Variants in ERICH1 observed in about 807,000 individuals in gnomAD.
The protein encoded by ERICH1 is glutamate rich 1.
A neutral mutation model predicts 39.6 loss-of-function variants in ERICH1; 56 were observed. That is an observed-to-expected ratio of 1.41 (90% CI 1.14 to 1.77). The LOEUF (loss-of-function observed/expected upper bound fraction) is 1.77, where lower values mean the gene tolerates loss of function less well. Among genes scored for constraint, ERICH1 ranks in the 40% most tolerant of loss-of-function variants. ERICH1 has a pLI of 0.00. For missense variants in ERICH1, 826 were observed against 575.4 expected (o/e 1.44, Z -4.45); for synonymous variants, 313 against 223.6 (o/e 1.40, Z -3.57).
At chr8:635,764 CGTGTGT>C (rs144042044) in intron 3 of ERICH1, among the ~76,000 whole-genome samples, 1 of 151,970 alleles carries the variant, frequency 6.6e-6, no homozygotes, top group African/African-American at 2.4e-5. Context: ...GCTCCCCCAG[CGTGTGT>C]GTGTGTGTCC....
At position 708,681 on chromosome 8, in the gene ERICH1, G is replaced by GTTTTTTTTTTTTTTTTTTT. The variant is rs139731216; in HGVS notation, c.169+7161_169+7179dup. 2.7e-4 allele frequency among the ~76,000 whole-genome samples: 18 copies of GTTTTTTTTTTTTTTTTTTT among 65,774 alleles called. 2 individuals carry two copies. The highest frequency in any genetic ancestry group is 3.4e-4 in the African/African-American group (6 of 17,540). The allele number at this position is 65,774 out of a possible 152,430, so 43.2% of individuals were successfully genotyped here. A position where few individuals can be genotyped will look rare whatever the true frequency, so the allele number is the denominator to read the frequency against. On this transcript the variant is annotated intron_variant, in intron 2 of 5. Transcript: ENST00000262109. Reference sequence around the variant, plus strand: ...GGGCTGAGTGGTTACGGGATAATGAGTTTTTTTTTTTTTTTTTTTTTTTTT... The same window carrying GTTTTTTTTTTTTTTTTTTT: ...GGGCTGAGTGGTTACGGGATAATGAGTTTTTTTTTTTTTTTTTTTTTTTTTTTTTTTTTTTTTTTTTTTT...
intron 3 of ERICH1, among the ~76,000 whole-genome samples, chr8:636,358 G>A (rs889416243): frequency 5.3e-5 from 8 of 152,246 alleles, no homozygotes; most frequent in Non-Finnish European, 8.8e-5. Flanking sequence ...AATCATTGAT[G>A]GTTTCTGCTA....
chr8:729,534 G>A (rs1186779832), intron 1 of ERICH1, among the ~76,000 whole-genome samples: 2 of 152,228 alleles, frequency 1.3e-5, no homozygotes, highest in Non-Finnish European at 2.9e-5. Flanking sequence ...TCCCTTCAGT[G>A]CCTCTCAGAG....
At chr8:698,621 A>G (rs1810925546) in intron 2 of ERICH1, among the ~76,000 whole-genome samples, 1 of 152,144 alleles carries the variant, frequency 6.6e-6, no homozygotes, top group African/African-American at 2.4e-5. Context: ...AACATTTTTA[A>G]AAAATTCTTT....
At chr8:680,869 G>A (rs146165153) in intron 3 of ERICH1, among the ~76,000 whole-genome samples, 1 of 152,322 alleles carries the variant, frequency 6.6e-6, no homozygotes, top group Non-Finnish European at 1.5e-5. Context: ...TGTGAGTCCT[G>A]GGGTCTGTGA....
chr8:642,985 C>T (rs910457650), intron 3 of ERICH1, among the ~76,000 whole-genome samples: 6 of 152,172 alleles, frequency 3.9e-5, no homozygotes, highest in South Asian at 2.1e-4. Context: ...CTTGTTGGAA[C>T]GTGGCCCGAA....
chr8:661,580 T>C (rs34204216), downstream of ERICH1, among the ~76,000 whole-genome samples: 3,954 of 152,306 alleles, frequency 0.026, 68 homozygotes, highest in African/African-American at 0.044. Context: ...ATGAACTGAA[T>C]ATTTTGCACT....
downstream of ERICH1, among the ~76,000 whole-genome samples, chr8:661,739 T>C (rs939104705): frequency 3.9e-5 from 6 of 152,248 alleles, no homozygotes; most frequent in African/African-American, 9.6e-5. Context: ...ATCAGAATGA[T>C]ACACAAAACG....
downstream of ERICH1, among the ~76,000 whole-genome samples, chr8:661,354 A>G (rs950009845): frequency 6.6e-6 from 1 of 152,060 alleles, no homozygotes; most frequent in Non-Finnish European, 1.5e-5. Flanking sequence ...TGGGAAACAA[A>G]TTAGAGACCG....
intron 2 of ERICH1, among the ~76,000 whole-genome samples, chr8:708,693 T>TTTTTTTTTG (rs1563319597): frequency 4.7e-5 from 6 of 126,992 alleles, no homozygotes; most frequent in African/African-American, 1.8e-4. Flanking sequence ...TTTTTTTTTT[T>TTTTTTTTTG]TTTTTTTTTT....
chr8:698,012 G>A (rs986980951), intron 2 of ERICH1, among the ~76,000 whole-genome samples: 7 of 152,244 alleles, frequency 4.6e-5, no homozygotes, highest in African/African-American at 7.2e-5. Context: ...GGGGGCCACC[G>A]GCGTGTACCT....
chr8:721,832 G>A (rs1217024815), intron 1 of ERICH1, among the ~76,000 whole-genome samples: 1 of 152,160 alleles, frequency 6.6e-6, no homozygotes, highest in Non-Finnish European at 1.5e-5. Context: ...TGAAATGCTC[G>A]TTTTTGATCC....
At chr8:640,780 G>T (rs1798890934) in intron 3 of ERICH1, 2 of 152,182 alleles carry the variant, frequency 1.3e-5, no homozygotes, top group Non-Finnish European at 2.9e-5. Context: ...TTCCACGTTG[G>T]GTGCAGCTGG....
chr8:634,601 G>C (rs1703930), intron 3 of ERICH1, among the ~76,000 whole-genome samples: 1 of 151,648 alleles, frequency 6.6e-6, no homozygotes, highest in Non-Finnish European at 1.5e-5. Flanking sequence ...AGTGCCATGC[G>C]TGCAGTAGGT....
chr8:656,807 G>A, intron 3 of ERICH1: 1 of 985,466 alleles, frequency 1.0e-6, no homozygotes, highest in Non-Finnish European at 1.2e-6. Flanking sequence ...CCCAGCCTCA[G>A]GACTCCCTCA....
chr8:683,476 G>C (rs1346146304), intron 3 of ERICH1, among the ~76,000 whole-genome samples: 1 of 152,190 alleles, frequency 6.6e-6, no homozygotes, highest in Non-Finnish European at 1.5e-5. Flanking sequence ...GACTTGAAGA[G>C]TTCCCTGTCA....
chr8:633,228 G>T (rs1190538746), intron 3 of ERICH1, among the ~76,000 whole-genome samples: 1 of 152,158 alleles, frequency 6.6e-6, no homozygotes, highest in Non-Finnish European at 1.5e-5. Flanking sequence ...CTGTTCTGAG[G>T]TTCACACCTT....
intron 3 of ERICH1, among the ~76,000 whole-genome samples, chr8:652,835 C>T (rs140851791): frequency 8.5e-5 from 13 of 152,152 alleles, no homozygotes; most frequent in Non-Finnish European, 1.9e-4. Flanking sequence ...AAGGTCAACA[C>T]GCACGCAAAA....
At chr8:680,489 C>T (rs950451400) in intron 3 of ERICH1, among the ~76,000 whole-genome samples, 185 of 147,256 alleles carry the variant, frequency 1.3e-3, no homozygotes, top group South Asian at 2.2e-3. Context: ...CCCGAAAACA[C>T]GGAAAGTCCA....
Sources: gnomAD v4.1 joint callset for allele counts (sites outside exome capture counted in the v4.1 genomes callset) on GRCh38, gnomAD v4.1.1 for gene constraint, MANE v1.5 for transcripts, NCBI Gene and HGNC (gene_info 2026-07-23, HGNC 2026-07-21) for gene names.